TXNRD1: variants seen among roughly 807,000 people sequenced by gnomAD.
The protein encoded by TXNRD1 is thioredoxin reductase 1, cytoplasmic.
In TXNRD1, 57 loss-of-function variants were observed where a neutral mutation model predicts 80.3. That is an observed-to-expected ratio of 0.71 (90% CI 0.57 to 0.89). The LOEUF (loss-of-function observed/expected upper bound fraction) is 0.89. TXNRD1 is among the 40% of genes least tolerant of loss of function. The probability of loss-of-function intolerance (pLI) is 0.00; values close to 1 mark genes in which losing one functional copy is unlikely to be tolerated. For synonymous variants in TXNRD1, 291 were observed against 285.2 expected (o/e 1.02, Z -0.20); for missense variants, 730 against 803.0 (o/e 0.91, Z 1.10).
Position 104,215,822 on chromosome 12 carries a change from A to T in TXNRD1, c.20A>T (p.Lys7Met). The T allele has an allele frequency of 6.4e-7, 1 of 1,564,426 alleles. No individual in the cohort carries two copies. The highest frequency in any genetic ancestry group is 8.7e-7 in the Non-Finnish European group (1 of 1,155,208). The change falls in exon 1 of 17, where the codon AAG becomes ATG. Residue 7 changes from lysine (K) to methionine (M), a missense_variant. Transcript: ENST00000525566. ...TGCGACATGGGCTGCGCCGAGGGCAAGGCAGTGGCGGCGGCCGCCCCAACG... is the reference window on the plus strand; with the variant it reads ...TGCGACATGGGCTGCGCCGAGGGCATGGCAGTGGCGGCGGCCGCCCCAACG... MGCAEG[K>M]AVAAAAPTEL...
In TXNRD1 at chr12:104,249,911, T is replaced by G. The variant is rs533683337; in HGVS notation, c.92-1616T>G. On this transcript the variant is annotated intron_variant, in intron 1 of 16. Transcript: ENST00000525566. The stretch of plus-strand genomic sequence containing the variant: ...AGATCGTGCCACTGTACTCCAGCCT[T>G]GGCAACAGAGCGAGACGCCGTCTCA... 6.2e-4 allele frequency among the ~76,000 whole-genome samples: 77 copies of G among 124,572 alleles called. No homozygotes were observed. In the South Asian group the frequency reaches 0.012, roughly 19 times the overall value. The allele number at this position is 124,572 out of a possible 152,430, so 81.7% of individuals were successfully genotyped here.
At chr12:104,283,397 G>A (rs949779617) in intron 3 of TXNRD1, among the ~76,000 whole-genome samples, 6 of 151,890 alleles carry the variant, frequency 4.0e-5, no homozygotes, top group African/African-American at 1.2e-4. Context: ...GATTACAGGC[G>A]CCCACCACCA....
chr12:104,315,134 A>G (rs1313869430), intron 6 of TXNRD1, among the ~76,000 whole-genome samples: 1 of 152,222 alleles, frequency 6.6e-6, no homozygotes. Flanking sequence ...CTCTGCATAG[A>G]TTCAATGGCA....
In TXNRD1 at chr12:104,326,373, T is replaced by A; in HGVS notation, c.1335T>A (p.Ala445=). ...NTVMLAIGRD[A]CTRKIGLETV... ...TGATGCTGGCAATAGGAAGAGATGC[T>A]TGCACAAGAAAAATTGGCTTAGAAA... The change falls in exon 12 of 17, where the codon GCT becomes GCA. Residue 445 remains alanine (A), a synonymous_variant. Transcript: ENST00000525566. 6.3e-7 allele frequency: 1 copy of A among 1,595,236 alleles called. No homozygotes were observed. The highest frequency in any genetic ancestry group is 8.5e-7 in the Non-Finnish European group (1 of 1,172,336).
rs548253609 is a variant in TXNRD1 at position 104,328,613 on chromosome 12, G to A, written c.1542+942G>A. The stretch of plus-strand genomic sequence containing the variant: ...CTACTAAAAATACAAAAAATTAGCC[G>A]GCCGTGGTGGTGGCGGGCGCCTGTA... On this transcript the variant is annotated intron_variant, in intron 13 of 16. Coordinates refer to ENST00000525566, the MANE Select transcript of TXNRD1 (RefSeq NM_001093771.3). Among the ~76,000 whole-genome samples the A allele has an allele frequency of 7.2e-5, 11 of 152,040 alleles. No individual in the cohort carries two copies. In the South Asian group the frequency reaches 1.9e-3, roughly 26 times the overall value.
At chr12:104,286,737 A>G (rs2135740165) in intron 3 of TXNRD1, 1 of 1,017,382 alleles carries the variant, frequency 9.8e-7, no homozygotes, top group Non-Finnish European at 1.2e-6. Flanking sequence ...GCCTTAGGGC[A>G]TAGTCTAATT....
intron 9 of TXNRD1, among the ~76,000 whole-genome samples, 173 bp from the exon 10 acceptor site, chr12:104,320,918 A>T (rs2035504750): frequency 6.6e-6 from 1 of 152,244 alleles, no homozygotes; most frequent in South Asian, 2.1e-4. Context: ...GTGGCAAGAA[A>T]GGGTATCTAA....
intron 4 of TXNRD1, chr12:104,304,926 C>T: frequency 6.3e-7 from 1 of 1,589,238 alleles, no homozygotes; most frequent in Non-Finnish European, 8.5e-7. Context: ...ATTACATACT[C>T]CTCATACTAA....
rs778924100 is a variant in TXNRD1, at chr12:104,318,981, C to G, written c.799C>G (p.Arg267Gly). 8.1e-6 allele frequency: 13 copies of G among 1,613,754 alleles called. No homozygotes were observed. The South Asian group carries it at 1.2e-4, about 15-fold the overall frequency. ...CATTGGCTCTTTGAATTGGGGCTACCGAGTAGCTCTGCGGGAGAAAAAAGT... is the reference window on the plus strand; with the variant it reads ...CATTGGCTCTTTGAATTGGGGCTACGGAGTAGCTCTGCGGGAGAAAAAAGT... ...NHIGSLNWGY[R>G]VALREKKVVY... Residue 267 changes from arginine to glycine, a missense_variant, in exon 8 of 17, where the codon CGA becomes GGA. By Grantham distance (125) the Arg-to-Gly change is moderately radical (BLOSUM62 -2). Transcript: ENST00000525566.
chr12:104,264,681 T>C (rs184382985), intron 3 of TXNRD1, among the ~76,000 whole-genome samples: 125 of 152,348 alleles, frequency 8.2e-4, no homozygotes, highest in African/African-American at 2.6e-3. Context: ...ATTTTCTCAA[T>C]GACTACAAAA....
At chr12:104,332,565 C>A (rs1347096020) in intron 14 of TXNRD1, among the ~76,000 whole-genome samples, 1 of 151,716 alleles carries the variant, frequency 6.6e-6, no homozygotes, top group Non-Finnish European at 1.5e-5. Flanking sequence ...GCCTGACCAA[C>A]GTGGAGAAAC....
intron 1 of TXNRD1, among the ~76,000 whole-genome samples, chr12:104,238,890 A>G (rs1296556211): frequency 1.3e-5 from 2 of 151,858 alleles, no homozygotes; most frequent in Non-Finnish European, 2.9e-5. Context: ...ACTGTTGCCC[A>G]GGCTAGAGTG....
chr12:104,273,222 C>T (rs989942658), intron 3 of TXNRD1, among the ~76,000 whole-genome samples: 3 of 152,128 alleles, frequency 2.0e-5, no homozygotes, highest in Admixed American at 6.6e-5. Flanking sequence ...CGGCAGCCCA[C>T]GGCAAAGGTT....
chr12:104,348,321 C>T (rs1369197025), intron 16 of TXNRD1, 32 bp from the exon 17 acceptor site: 9 of 1,611,176 alleles, frequency 5.6e-6, no homozygotes, highest in Non-Finnish European at 7.6e-6. Context: ...GCTCAGGCAT[C>T]TGAAGATGTT....
intron 3 of TXNRD1, among the ~76,000 whole-genome samples, chr12:104,266,937 A>G (rs9738677): frequency 0.68 from 102,605 of 151,618 alleles, 34,861 homozygotes; most frequent in East Asian, 0.85. Flanking sequence ...ACTCCAGCCC[A>G]GGCGACAGAG....
intron 16 of TXNRD1, among the ~76,000 whole-genome samples, chr12:104,344,450 T>A (rs572537901): frequency 2.6e-5 from 4 of 152,298 alleles, no homozygotes; most frequent in African/African-American, 9.6e-5. Context: ...ATGGACATTT[T>A]AAAAAATTAT....
chr12:104,319,812 G>A (rs2035465923), intron 9 of TXNRD1, among the ~76,000 whole-genome samples: 1 of 152,188 alleles, frequency 6.6e-6, no homozygotes, highest in South Asian at 2.1e-4. Flanking sequence ...TTGCTACACA[G>A]AGTATCACTA....
chr12:104,282,996 C>T (rs71468208), intron 3 of TXNRD1: 4 of 152,036 alleles, frequency 2.6e-5, no homozygotes, highest in Admixed American at 2.6e-4. Context: ...TGCACCAGGT[C>T]GGGAGGCTTT....
At chr12:104,268,534 G>T (rs183428900) in intron 3 of TXNRD1, among the ~76,000 whole-genome samples, 2 of 151,726 alleles carry the variant, frequency 1.3e-5, no homozygotes, top group East Asian at 2.0e-4. Context: ...CAAAAAAAAA[G>T]AAAGAAAGAG....
Sources: allele counts gnomAD v4.1 joint callset (sites outside exome capture counted in the v4.1 genomes callset), GRCh38; gene constraint gnomAD v4.1.1; transcripts MANE v1.5; gene names NCBI Gene and HGNC (gene_info 2026-07-23, HGNC 2026-07-21).